GRXCR1: variants seen among roughly 807,000 people sequenced by gnomAD.
GRXCR1 encodes glutaredoxin domain-containing cysteine-rich protein 1.
Under a neutral mutation model 27.3 loss-of-function variants are expected in GRXCR1, and 27 were observed. The ratio of observed to expected loss-of-function variants is 0.99; its 90% confidence interval spans 0.73 to 1.37. The LOEUF (loss-of-function observed/expected upper bound fraction) is 1.37, where lower values mean the gene tolerates loss of function less well. GRXCR1 is among the 40% of genes most tolerant of loss of function. The pLI, the probability that GRXCR1 is intolerant of heterozygous loss-of-function variation, is 0.00. For missense variants in GRXCR1, 379 were observed against 354.4 expected (o/e 1.07, Z -0.56); for synonymous variants, 122 against 131.1 (o/e 0.93, Z 0.47).
At chr4:42,923,327 G>T (rs1425008775) in intron 1 of GRXCR1, among the ~76,000 whole-genome samples, 3 of 152,070 alleles carry the variant, frequency 2.0e-5, no homozygotes, top group East Asian at 1.9e-4. Context: ...AGAGGCTGTT[G>T]ACCCACAATT....
At chr4:43,011,429 A>G (rs2109802704) in intron 2 of GRXCR1, among the ~76,000 whole-genome samples, 1 of 152,098 alleles carries the variant, frequency 6.6e-6, no homozygotes, top group South Asian at 2.1e-4. Context: ...GTTGTTGAGT[A>G]CCTCTTAGTC....
At chr4:42,930,917 A>T (rs141368254) in intron 1 of GRXCR1, among the ~76,000 whole-genome samples, 1 of 152,136 alleles carries the variant, frequency 6.6e-6, no homozygotes, top group African/African-American at 2.4e-5. Context: ...TGCTAATGTA[A>T]GAAATGACTT....
intron 2 of GRXCR1, among the ~76,000 whole-genome samples, chr4:42,981,332 C>A (rs780687722): frequency 6.6e-6 from 1 of 152,016 alleles, no homozygotes; most frequent in Admixed American, 6.6e-5. Flanking sequence ...CAATTTTACT[C>A]CACAATGTGC....
At chr4:43,008,756 G>A (rs1712644590) in intron 2 of GRXCR1, among the ~76,000 whole-genome samples, 2 of 152,168 alleles carry the variant, frequency 1.3e-5, no homozygotes, top group South Asian at 2.1e-4. Context: ...TTCTGACCCT[G>A]CCAACTGTTA....
Position 43,020,239 on chromosome 4 carries a change from T to A in GRXCR1, c.628-115T>A. On this transcript the variant is annotated intron_variant, in intron 2 of 3. Coordinates refer to ENST00000399770, the MANE Select transcript of GRXCR1 (RefSeq NM_001080476.3). ...CATCCTAGTTGTACATTTACTCAGC[T>A]CCAAAGGGAAGAACTGTGCTCAGTA... is the stretch of plus-strand genomic sequence containing the variant. 12 of 738,806 alleles carry A rather than the reference T, an allele frequency of 1.6e-5. No individual in the cohort carries two copies. In the South Asian group the frequency reaches 1.8e-4, roughly 11 times the overall value. 45.8% of individuals were successfully genotyped at this position (738,806 alleles called of 1,614,324 possible).
intron 2 of GRXCR1, among the ~76,000 whole-genome samples, chr4:42,969,493 C>T (rs1374100207): frequency 2.0e-5 from 3 of 152,110 alleles, no homozygotes; most frequent in East Asian, 1.9e-4. Context: ...ACAAAGAGAA[C>T]TTACAATCAT....
chr4:43,012,749 G>A (rs1712799535), intron 2 of GRXCR1, among the ~76,000 whole-genome samples: 1 of 152,078 alleles, frequency 6.6e-6, no homozygotes, highest in Non-Finnish European at 1.5e-5. Flanking sequence ...GTAAACTGAT[G>A]AGCTAAGATT....
intron 1 of GRXCR1, among the ~76,000 whole-genome samples, chr4:42,937,083 C>T (rs559617316): frequency 3.9e-5 from 6 of 151,942 alleles, no homozygotes; most frequent in African/African-American, 1.4e-4. Context: ...TTTGAAATTC[C>T]TCTCATGGAA....
chr4:42,918,620 C>T (rs796476295), intron 1 of GRXCR1, among the ~76,000 whole-genome samples: 52 of 152,216 alleles, frequency 3.4e-4, no homozygotes, highest in African/African-American at 1.1e-3. Flanking sequence ...ATATCTGCTG[C>T]TTTCCATTAA....
intron 2 of GRXCR1, among the ~76,000 whole-genome samples, chr4:43,016,091 A>G (rs1163397017): frequency 1.3e-5 from 2 of 152,206 alleles, no homozygotes; most frequent in Non-Finnish European, 2.9e-5. Context: ...GACCTAACAG[A>G]GTATGCTAAA....
At chr4:42,996,671 A>T (rs1199923610) in intron 2 of GRXCR1, among the ~76,000 whole-genome samples, 1 of 152,084 alleles carries the variant, frequency 6.6e-6, no homozygotes, top group East Asian at 1.9e-4. Flanking sequence ...TAAATCCTAC[A>T]AGTGTAGGTT....
chr4:42,935,393 A>C (rs867315263), intron 1 of GRXCR1, among the ~76,000 whole-genome samples: 2 of 151,934 alleles, frequency 1.3e-5, no homozygotes, highest in African/African-American at 2.4e-5. Context: ...TGGTAAAGTT[A>C]GTATTACAGA....
chr4:42,967,456 G>T (rs147856701), intron 2 of GRXCR1, among the ~76,000 whole-genome samples: 1 of 151,376 alleles, frequency 6.6e-6, no homozygotes, highest in Non-Finnish European at 1.5e-5. Context: ...CAAATTTTTT[G>T]GAAATATTTC....
At chr4:42,948,152 C>G (rs964002832) in intron 1 of GRXCR1, among the ~76,000 whole-genome samples, 1 of 151,808 alleles carries the variant, frequency 6.6e-6, no homozygotes, top group African/African-American at 2.4e-5. Context: ...AAAACATTTT[C>G]ATTTGTGTCT....
At chr4:42,985,077 A>G (rs1441924022) in intron 2 of GRXCR1, among the ~76,000 whole-genome samples, 3 of 152,188 alleles carry the variant, frequency 2.0e-5, no homozygotes, top group Non-Finnish European at 4.4e-5. Flanking sequence ...GAGGGGTGAC[A>G]TGGATAATAT....
intron 2 of GRXCR1, among the ~76,000 whole-genome samples, chr4:42,986,467 G>A (rs145403105): frequency 1.3e-5 from 2 of 152,144 alleles, no homozygotes; most frequent in African/African-American, 2.4e-5. Context: ...CTGAAGTACT[G>A]GGGAGGCTGG....
At chr4:43,021,190 T>C (rs1158255728) in intron 3 of GRXCR1, among the ~76,000 whole-genome samples, 1 of 152,196 alleles carries the variant, frequency 6.6e-6, no homozygotes, top group Non-Finnish European at 1.5e-5. Flanking sequence ...CCACTCTAGA[T>C]AAAAGAAAGG....
At chr4:42,916,025 C>G (rs547929753) in intron 1 of GRXCR1, among the ~76,000 whole-genome samples, 1 of 149,782 alleles carries the variant, frequency 6.7e-6, no homozygotes, top group South Asian at 2.1e-4. Flanking sequence ...AGCTACTAAT[C>G]TAGTATAAGA....
chr4:42,943,573 G>T (rs1049957282), intron 1 of GRXCR1, among the ~76,000 whole-genome samples: 1 of 152,022 alleles, frequency 6.6e-6, no homozygotes, highest in African/African-American at 2.4e-5. Context: ...AAGGTAACAG[G>T]CAGGGAGCAT....
Sources: gnomAD v4.1 joint callset for allele counts (sites outside exome capture counted in the v4.1 genomes callset) on GRCh38, gnomAD v4.1.1 for gene constraint, MANE v1.5 for transcripts, NCBI Gene and HGNC (gene_info 2026-07-23, HGNC 2026-07-21) for gene names.